TTLL9: variants seen among roughly 807,000 people sequenced by gnomAD.
TTLL9 encodes tubulin tyrosine ligase like 9, also known as probable tubulin polyglutamylase TTLL9.
Under a neutral mutation model 65.6 loss-of-function variants are expected in TTLL9, and 47 were observed. The ratio of observed to expected loss-of-function variants is 0.72; its 90% CI spans 0.57 to 0.91. The LOEUF (loss-of-function observed/expected upper bound fraction) is 0.91, where lower values mean the gene tolerates loss of function less well. Ranked by LOEUF, TTLL9 falls within the 40% of genes least tolerant of loss-of-function variation. The pLI, the probability that TTLL9 is intolerant of heterozygous loss-of-function variation, is 0.00. For synonymous variants in TTLL9, 179 were observed against 204.8 expected (o/e 0.87, Z 1.07); for missense variants, 537 against 568.8 (o/e 0.94, Z 0.57).
At chr20:31,931,832 G>A (rs1270471087) in intron 10 of TTLL9, among the ~76,000 whole-genome samples, 2 of 152,068 alleles carry the variant, frequency 1.3e-5, no homozygotes, top group African/African-American at 4.8e-5. Context: ...TCATTCTGTG[G>A]GTTTTCTTTC....
chr20:31,910,813 G>A (rs1165872862), intron 6 of TTLL9, among the ~76,000 whole-genome samples: 2 of 152,196 alleles, frequency 1.3e-5, no homozygotes, highest in East Asian at 3.8e-4. Flanking sequence ...ATAGGGAAGA[G>A]CATCCTAGGC....
At chr20:31,914,468 T>C (rs2063703704) in intron 6 of TTLL9, among the ~76,000 whole-genome samples, 1 of 152,214 alleles carries the variant, frequency 6.6e-6, no homozygotes, top group East Asian at 1.9e-4. Context: ...ATTGTGGTTT[T>C]AAAAACATAA....
At chr20:31,931,455 G>T (rs974836406) in intron 10 of TTLL9, among the ~76,000 whole-genome samples, 1 of 151,612 alleles carries the variant, frequency 6.6e-6, no homozygotes, top group East Asian at 1.9e-4. Context: ...TTTGTATTTC[G>T]TGTACATACA....
intron 14 of TTLL9, chr20:31,941,368 C>G (rs1023430112): frequency 1.3e-5 from 2 of 152,190 alleles, no homozygotes; most frequent in African/African-American, 4.8e-5. Flanking sequence ...TGCGCTACTT[C>G]CTGGACCCCC....
chr20:31,922,220 A>G (rs983687761), intron 7 of TTLL9, among the ~76,000 whole-genome samples: 1 of 151,872 alleles, frequency 6.6e-6, no homozygotes. Context: ...AGCCAAGATG[A>G]TGCCACTGCA....
intron 2 of TTLL9, chr20:31,879,738 C>T (rs2123379980): frequency 7.2e-7 from 1 of 1,389,918 alleles, no homozygotes; most frequent in Admixed American, 2.1e-5. Flanking sequence ...TGGACCAGAG[C>T]CTGCGCACTC....
Position 31,944,124 on chromosome 20 carries a change from C to A in TTLL9, c.*1103C>A. The A allele has an allele frequency of 3.4e-6, 1 of 297,892 alleles. No individual in the cohort carries two copies. Among genetic ancestry groups the A allele is most frequent in the Non-Finnish European group, 6.8e-6 (1 of 148,040 alleles). The allele number at this position is 297,892 out of a possible 1,614,324, so 18.5% of individuals were successfully genotyped here. ...AAGCCAGAAGCCAGGCTACTCTAGA[C>A]CTTCTGCCTTCAGAGCATGAGGACT... On this transcript the variant is annotated 3_prime_UTR_variant, in exon 15 of 15. Transcript: ENST00000535842.
At chr20:31,927,747 C>T (rs2063932848) in intron 10 of TTLL9, among the ~76,000 whole-genome samples, 1 of 152,174 alleles carries the variant, frequency 6.6e-6, no homozygotes, top group Admixed American at 6.5e-5. Context: ...ATGACTTGCA[C>T]ATGGGAAAGA....
At chr20:31,935,808 C>T (rs1240522524) in intron 12 of TTLL9, among the ~76,000 whole-genome samples, 5 of 152,222 alleles carry the variant, frequency 3.3e-5, no homozygotes, top group Non-Finnish European at 5.9e-5. Flanking sequence ...TTAATCGCCA[C>T]CTGGCCTGCT....
chr20:31,910,658 T>C (rs2063632965), intron 6 of TTLL9, among the ~76,000 whole-genome samples: 1 of 152,196 alleles, frequency 6.6e-6, no homozygotes, highest in South Asian at 2.1e-4. Context: ...ATAATACCTA[T>C]CACCTAGTGT....
chr20:31,907,519 C>T (rs919479602), intron 4 of TTLL9, among the ~76,000 whole-genome samples: 2 of 152,044 alleles, frequency 1.3e-5, no homozygotes, highest in Admixed American at 6.5e-5. Context: ...GTCAGGAGTT[C>T]GAGGCCAGCC....
At chr20:31,913,937 C>T (rs1223248883) in intron 6 of TTLL9, among the ~76,000 whole-genome samples, 1 of 152,224 alleles carries the variant, frequency 6.6e-6, no homozygotes, top group East Asian at 1.9e-4. Flanking sequence ...GGGGAGGCGA[C>T]TGCTTGGCTG....
At position 31,909,723 on chromosome 20, in the gene TTLL9, T is replaced by G; in HGVS notation, c.319-14T>G. The G allele has an allele frequency of 6.2e-7, 1 of 1,611,456 alleles. No individual in the cohort carries two copies. Among genetic ancestry groups the G allele is most frequent in the Non-Finnish European group, 8.5e-7 (1 of 1,178,730 alleles). Reference sequence around the variant, plus strand: ...AGCAGGAGCTAATGGCCGCCTGTCCTTCCCGCCACCCAGCTGACCCGGAAG... The same window carrying G: ...AGCAGGAGCTAATGGCCGCCTGTCCGTCCCGCCACCCAGCTGACCCGGAAG... On this transcript the variant is annotated splice_polypyrimidine_tract_variant and intron_variant, in intron 5 of 14. Coordinates refer to ENST00000535842, the MANE Select transcript of TTLL9 (RefSeq NM_001008409.5).
At chr20:31,890,084 CTT>C (rs2063274951) in intron 3 of TTLL9, among the ~76,000 whole-genome samples, 1 of 140,114 alleles carries the variant, frequency 7.1e-6, no homozygotes, top group African/African-American at 2.7e-5. Context: ...TTCTTGCTTT[CTT>C]GCTTTCTTTC....
chr20:31,876,581 A>G (rs2063041042), intron 2 of TTLL9, among the ~76,000 whole-genome samples: 2 of 152,230 alleles, frequency 1.3e-5, no homozygotes, highest in Non-Finnish European at 2.9e-5. Context: ...TGACCTATGT[A>G]GTGGTGTAAA....
At chr20:31,890,460 A>T (rs2063292982) in intron 3 of TTLL9, among the ~76,000 whole-genome samples, 1 of 151,940 alleles carries the variant, frequency 6.6e-6, no homozygotes, top group African/African-American at 2.4e-5. Flanking sequence ...CCTCTGTTTC[A>T]TTGTGTATCG....
chr20:31,926,101 A>G lies in TTLL9; in HGVS notation c.748+10A>G. On this transcript the variant is annotated intron_variant, in intron 10 of 14. Transcript: ENST00000535842. ...GGGCACAGGAGACAGGGTATGAGAT[A>G]GGTCTGGTCCCTTCCCTCCGGGAGC... The G allele has an allele frequency of 6.3e-7, 1 of 1,579,576 alleles. No homozygotes were observed. Among genetic ancestry groups the G allele is most frequent in the South Asian group, 1.1e-5 (1 of 90,346 alleles).
In TTLL9 at chr20:31,906,877, C is replaced by G. The variant is rs2063566849; in HGVS notation, c.207-1714C>G. On this transcript the variant is annotated intron_variant, in intron 4 of 14. Coordinates refer to ENST00000535842, the MANE Select transcript of TTLL9 (RefSeq NM_001008409.5). The stretch of plus-strand genomic sequence containing the variant: ...GTTGGCCAGGCTGGTCTCAAACTCC[C>G]AAACTCAAACAATCCATCCACCTTG... Among the ~76,000 whole-genome samples, 3 of 152,056 alleles carry G rather than the reference C, an allele frequency of 2.0e-5. No individual in the cohort carries two copies. The South Asian group carries it at 6.2e-4, about 31-fold the overall frequency.
intron 3 of TTLL9, among the ~76,000 whole-genome samples, chr20:31,888,574 C>T (rs952393967): frequency 3.3e-5 from 5 of 151,342 alleles, no homozygotes; most frequent in Non-Finnish European, 7.4e-5. Flanking sequence ...TGGGTTCAAG[C>T]GATTCTGCTG....
Sources: allele counts gnomAD v4.1 joint callset (sites outside exome capture counted in the v4.1 genomes callset), GRCh38; gene constraint gnomAD v4.1.1; transcripts MANE v1.5; gene names NCBI Gene and HGNC (gene_info 2026-07-23, HGNC 2026-07-21).